KIAA1217: variants seen among roughly 807,000 people sequenced by gnomAD.
KIAA1217 encodes the protein sickle tail protein homolog.
In KIAA1217, 88 loss-of-function variants were observed where a neutral mutation model predicts 163.9. That is an observed-to-expected ratio of 0.54 (90% confidence interval 0.45 to 0.64). The LOEUF (loss-of-function observed/expected upper bound fraction) is 0.64, where lower values mean the gene tolerates loss of function less well. Among genes scored for constraint, KIAA1217 ranks in the 30% least tolerant of loss-of-function variants. The probability of loss-of-function intolerance (pLI) is 0.00; values close to 1 mark genes in which losing one functional copy is unlikely to be tolerated. For missense variants in KIAA1217, 2,372 were observed against 2,475.0 expected (o/e 0.96, Z 0.88); for synonymous variants, 903 against 923.1 (o/e 0.98, Z 0.39).
At chr10:24,130,368 G>A (rs1388000825) in intron 2 of KIAA1217, among the ~76,000 whole-genome samples, 1 of 152,148 alleles carries the variant, frequency 6.6e-6, no homozygotes, top group East Asian at 1.9e-4. Flanking sequence ...CATTGGGCAT[G>A]CCATGTTTTA....
At chr10:24,089,799 A>G (rs2061854841) in intron 2 of KIAA1217, among the ~76,000 whole-genome samples, 1 of 151,920 alleles carries the variant, frequency 6.6e-6, no homozygotes, top group Admixed American at 6.5e-5. Flanking sequence ...AAGAGGATAC[A>G]AACAAATGGA....
rs564434816 is a variant in KIAA1217 at position 23,704,608 on chromosome 10, T to G, written c.-321+9374T>G. Among the ~76,000 whole-genome samples the G allele has an allele frequency of 2.6e-5, 4 of 152,298 alleles. No individual in the cohort carries two copies. In the East Asian group the frequency reaches 7.7e-4, roughly 29 times the overall value. On this transcript the variant is annotated intron_variant, in intron 1 of 18. Coordinates refer to the KIAA1217 transcript ENST00000376462. Reference sequence around the variant, plus strand: ...TTCACTCTGCGTAATGTTTTAACTGTTCATCTGTGTTGTTGCATGTGTCAT... The same window carrying G: ...TTCACTCTGCGTAATGTTTTAACTGGTCATCTGTGTTGTTGCATGTGTCAT...
rs1230697749 is a variant in KIAA1217, at chr10:24,494,708, G to A, written c.1784+104G>A. On this transcript the variant is annotated intron_variant, in intron 7 of 20. Coordinates refer to ENST00000376454, the MANE Select transcript of KIAA1217 (RefSeq NM_019590.5). ...ATCTGTTTTCTTGTAATCATTTCAA[G>A]GCTGAAAATATTCACATCTCTATGG... The A allele has an allele frequency of 2.0e-5, 17 of 869,134 alleles. No homozygotes were observed. The Admixed American group carries it at 4.3e-4, about 22-fold the overall frequency. 53.8% of individuals were successfully genotyped at this position (869,134 alleles called of 1,614,324 possible). A position where few individuals can be genotyped will look rare whatever the true frequency, so the allele number is the denominator to read the frequency against.
chr10:24,462,904 G>A (rs564426019), intron 5 of KIAA1217, among the ~76,000 whole-genome samples: 9 of 152,288 alleles, frequency 5.9e-5, no homozygotes, highest in Admixed American at 3.3e-4. Flanking sequence ...GTTGGGTGCC[G>A]CAGATAACTT....
intron 2 of KIAA1217, among the ~76,000 whole-genome samples, chr10:24,120,222 G>T (rs905332731): frequency 6.6e-6 from 1 of 152,194 alleles, no homozygotes; most frequent in Non-Finnish European, 1.5e-5. Flanking sequence ...CCTACATGTT[G>T]TGTAGTAACT....
intron 1 of KIAA1217, among the ~76,000 whole-genome samples, chr10:23,884,471 G>A (rs191805230): frequency 6.6e-6 from 1 of 152,060 alleles, no homozygotes; most frequent in Non-Finnish European, 1.5e-5. Flanking sequence ...GAAGTATACT[G>A]TCAGTCTAAC....
intron 2 of KIAA1217, among the ~76,000 whole-genome samples, chr10:24,229,662 T>C (rs1315268335): frequency 6.6e-6 from 1 of 152,042 alleles, no homozygotes; most frequent in African/African-American, 2.4e-5. Context: ...GGATTACAGG[T>C]GCCCACCACC....
intron 2 of KIAA1217, among the ~76,000 whole-genome samples, chr10:24,138,593 C>G (rs547669795): frequency 6.7e-6 from 1 of 149,342 alleles, no homozygotes; most frequent in Admixed American, 6.7e-5. Context: ...ATTATATAAT[C>G]GACTTAGTTA....
At chr10:23,951,989 G>T (rs1844357449) in intron 1 of KIAA1217, among the ~76,000 whole-genome samples, 1 of 152,154 alleles carries the variant, frequency 6.6e-6, no homozygotes, top group Non-Finnish European at 1.5e-5. Context: ...GGACTAAGAT[G>T]TACATTTAAT....
At chr10:24,217,812 C>T (rs1466397291) in intron 1 of KIAA1217, among the ~76,000 whole-genome samples, 1 of 152,144 alleles carries the variant, frequency 6.6e-6, no homozygotes, top group African/African-American at 2.4e-5. Context: ...AAATAATTGG[C>T]AAATATGCTT....
In KIAA1217 at chr10:23,810,890, C is replaced by T. The variant is rs1475415967; in HGVS notation, c.-321+115656C>T. ...ATACTATACAGTATAGTATACATAT[C>T]ATATAGTATATATACTCTATATAGT... is the stretch of plus-strand genomic sequence containing the variant. On this transcript the variant is annotated intron_variant, in intron 1 of 18. Coordinates refer to the KIAA1217 transcript ENST00000376462. Among the ~76,000 whole-genome samples, 25 of 118,438 alleles carry T rather than the reference C, an allele frequency of 2.1e-4. 1 individual carries two copies. Among genetic ancestry groups the T allele is most frequent in the African/African-American group, 8.5e-4 (25 of 29,526 alleles). 77.7% of individuals were successfully genotyped at this position (118,438 alleles called of 152,430 possible).
At chr10:24,324,657 G>T (rs1369256683) in intron 2 of KIAA1217, among the ~76,000 whole-genome samples, 2 of 152,206 alleles carry the variant, frequency 1.3e-5, no homozygotes, top group African/African-American at 4.8e-5. Context: ...TATTAGTAAG[G>T]ACTCTTGGAT....
intron 1 of KIAA1217, among the ~76,000 whole-genome samples, chr10:23,851,261 GTGTT>G (rs993282392): frequency 1.3e-5 from 2 of 152,090 alleles, no homozygotes; most frequent in Non-Finnish European, 2.9e-5. Flanking sequence ...AGAACATGCA[GTGTT>G]TGGTTTTTTG....
chr10:24,456,705 C>CTTT (rs755613792), intron 5 of KIAA1217, among the ~76,000 whole-genome samples: 3 of 141,176 alleles, frequency 2.1e-5, no homozygotes. Context: ...AGGATTAAAC[C>CTTT]TTTTTTTTTT....
At chr10:24,159,212 G>T (rs1027639609) in intron 2 of KIAA1217, among the ~76,000 whole-genome samples, 1 of 152,018 alleles carries the variant, frequency 6.6e-6, no homozygotes, top group Non-Finnish European at 1.5e-5. Context: ...AATTTAGATA[G>T]TATTTAATAT....
At chr10:23,905,903 G>A (rs1193770854) in intron 1 of KIAA1217, among the ~76,000 whole-genome samples, 1 of 152,132 alleles carries the variant, frequency 6.6e-6, no homozygotes, top group African/African-American at 2.4e-5. Flanking sequence ...AATAGCCTGA[G>A]ACAAGGTAAT....
At chr10:23,903,938 CAA>C (rs1488211660) in intron 1 of KIAA1217, among the ~76,000 whole-genome samples, 1 of 152,110 alleles carries the variant, frequency 6.6e-6, no homozygotes, top group Non-Finnish European at 1.5e-5. Context: ...CGAATTTTCT[CAA>C]AGTTTGGAAT....
chr10:24,103,748 A>T (rs1175321391), intron 2 of KIAA1217, among the ~76,000 whole-genome samples: 1 of 152,222 alleles, frequency 6.6e-6, no homozygotes, highest in Non-Finnish European at 1.5e-5. Flanking sequence ...CCAAATGCTG[A>T]CAAGGAAATG....
intron 3 of KIAA1217, among the ~76,000 whole-genome samples, chr10:24,387,955 A>G (rs1374240856): frequency 3.3e-5 from 5 of 152,180 alleles, no homozygotes; most frequent in Non-Finnish European, 7.3e-5. Flanking sequence ...GGAAGAGTCA[A>G]TATTGTGAAA....
Sources: allele counts gnomAD v4.1 joint callset (sites outside exome capture counted in the v4.1 genomes callset), GRCh38; gene constraint gnomAD v4.1.1; transcripts MANE v1.5; gene names NCBI Gene and HGNC (gene_info 2026-07-23, HGNC 2026-07-21).